Variants in ABCA13 observed in about 807,000 individuals in gnomAD.
ABCA13 encodes ATP-binding cassette sub-family A member 13.
In ABCA13, 476 loss-of-function variants were observed where a neutral mutation model predicts 478.7. The ratio of observed to expected loss-of-function variants is 0.99; its 90% CI spans 0.92 to 1.07. ABCA13 has a LOEUF of 1.07. Among genes scored for constraint, ABCA13 ranks in the 50% least tolerant of loss-of-function variants. ABCA13 has a pLI of 0.00. For synonymous variants in ABCA13, 2,252 were observed against 2,158.9 expected (o/e 1.04, Z -1.20); for missense variants, 6,060 against 5,910.6 (o/e 1.03, Z -0.83).
At chr7:48,511,315 A>G in intron 51 of ABCA13, 116 bp downstream of exon 51, 1 of 847,840 alleles carries the variant, frequency 1.2e-6, no homozygotes, top group Non-Finnish European at 1.8e-6. Context: ...TGAAGCAATT[A>G]TGTTGCTTCT....
intron 55 of ABCA13, among the ~76,000 whole-genome samples, chr7:48,528,807 A>G (rs7804593): frequency 0.034 from 5,213 of 152,126 alleles, 313 homozygotes; most frequent in African/African-American, 0.12. Context: ...GGAGCAGTGA[A>G]CACATTAAAA....
At chr7:48,482,137 C>T (rs1828834406) in intron 46 of ABCA13, among the ~76,000 whole-genome samples, 1 of 151,562 alleles carries the variant, frequency 6.6e-6, no homozygotes, top group Non-Finnish European at 1.5e-5. Context: ...TAATTCCCAC[C>T]CAGGAAAAAT....
intron 3 of ABCA13, among the ~76,000 whole-genome samples, chr7:48,199,626 T>C (rs1356502625): frequency 6.6e-6 from 1 of 152,158 alleles, no homozygotes; most frequent in East Asian, 1.9e-4. Flanking sequence ...ACAAATCATA[T>C]AGAAATATGA....
chr7:48,470,610 T>C (rs1241144120), intron 44 of ABCA13, among the ~76,000 whole-genome samples: 3 of 152,220 alleles, frequency 2.0e-5, no homozygotes, highest in Admixed American at 1.3e-4. Context: ...TTATTTTTGT[T>C]GTTTCAAAAA....
chr7:48,469,988 C>T (rs186993260), intron 44 of ABCA13, among the ~76,000 whole-genome samples: 1 of 152,136 alleles, frequency 6.6e-6, no homozygotes, highest in East Asian at 1.9e-4. Context: ...AGAACTATTT[C>T]ACCCAGTGTG....
intron 39 of ABCA13, among the ~76,000 whole-genome samples, chr7:48,408,232 C>G (rs572105582): frequency 1.3e-5 from 2 of 152,328 alleles, no homozygotes; most frequent in South Asian, 2.1e-4. Context: ...CCCTCCTTCT[C>G]CTCCCTCCCT....
intron 55 of ABCA13, among the ~76,000 whole-genome samples, chr7:48,557,803 A>C (rs1285308021): frequency 6.6e-6 from 1 of 152,146 alleles, no homozygotes; most frequent in African/African-American, 2.4e-5. Context: ...GCACCAACGT[A>C]ATATAACCTT....
intron 3 of ABCA13, among the ~76,000 whole-genome samples, chr7:48,215,986 C>T (rs1177454244): frequency 1.3e-5 from 2 of 152,170 alleles, no homozygotes; most frequent in African/African-American, 4.8e-5. Context: ...TGTATAGATA[C>T]AGGACAGTTT....
intron 38 of ABCA13, among the ~76,000 whole-genome samples, chr7:48,396,097 C>T (rs1451700732): frequency 6.6e-6 from 1 of 152,242 alleles, no homozygotes; most frequent in Non-Finnish European, 1.5e-5. Context: ...GCCTGTGCTC[C>T]TGCCCATGCT....
At chr7:48,578,577 T>G (rs932101421) in intron 55 of ABCA13, among the ~76,000 whole-genome samples, 8 of 152,160 alleles carry the variant, frequency 5.3e-5, no homozygotes, top group African/African-American at 1.9e-4. Flanking sequence ...TAAATAGATA[T>G]TCCATGTTTT....
At chr7:48,473,580 G>A (rs1827756803) in intron 45 of ABCA13, among the ~76,000 whole-genome samples, 1 of 152,192 alleles carries the variant, frequency 6.6e-6, no homozygotes, top group Admixed American at 6.5e-5. Flanking sequence ...TGAATCAGGA[G>A]AGTGGGTGGT....
chr7:48,272,546 A>G lies in ABCA13; in HGVS notation c.2880A>G (p.Leu960=). Residue 960 remains leucine, a synonymous_variant, in exon 17 of 62, where the codon TTA becomes TTG. Coordinates refer to ENST00000435803, the MANE Select transcript of ABCA13 (RefSeq NM_152701.5). ...TCTTCCAGGACAAGGATTCAGCTTT[A>G]CTTCTGCAAATTTATTCTTCATTTT... ...LNVFQDKDSA[L]LLQIYSSFYR... is the part of the protein sequence containing the mutation. The G allele has an allele frequency of 6.2e-7, 1 of 1,613,800 alleles. No homozygotes were observed. The highest frequency in any genetic ancestry group is 1.1e-5 in the South Asian group (1 of 91,080).
chr7:48,219,619 T>G lies in ABCA13; in HGVS notation c.439+114T>G. On this transcript the variant is annotated intron_variant, in intron 4 of 61. Transcript: ENST00000435803. ...TGCTCAACTCCTGCCTGTGCTAAAC[T>G]TTCATAGTGAGTCTTTGATGGATGA... The G allele has an allele frequency of 3.7e-6, 5 of 1,343,250 alleles. No homozygotes were observed. In the South Asian group the frequency reaches 7.6e-5, roughly 20 times the overall value. The allele number at this position is 1,343,250 out of a possible 1,614,324, so 83.2% of individuals were successfully genotyped here.
At chr7:48,417,752 T>A (rs1226102086) in intron 41 of ABCA13, among the ~76,000 whole-genome samples, 2 of 152,196 alleles carry the variant, frequency 1.3e-5, no homozygotes, top group Non-Finnish European at 2.9e-5. Context: ...GATGAGTATA[T>A]AATTCCATGT....
At chr7:48,584,214 A>T (rs1374458579) in intron 56 of ABCA13, among the ~76,000 whole-genome samples, 1 of 152,192 alleles carries the variant, frequency 6.6e-6, no homozygotes, top group African/African-American at 2.4e-5. Flanking sequence ...ACATGCACAC[A>T]TACACACATT....
At chr7:48,288,376 C>G (rs1490422177) in intron 20 of ABCA13, among the ~76,000 whole-genome samples, 1 of 152,164 alleles carries the variant, frequency 6.6e-6, no homozygotes, top group Admixed American at 6.5e-5. Context: ...ATTATATAAA[C>G]TTATGATGAA....
chr7:48,281,583 C>T, intron 19 of ABCA13, 131 bp downstream of exon 19: 3 of 824,824 alleles, frequency 3.6e-6, no homozygotes, highest in Non-Finnish European at 5.6e-6. Context: ...GTCTGGCAAC[C>T]AGGCCTTGAG....
intron 59 of ABCA13, among the ~76,000 whole-genome samples, chr7:48,625,127 T>A (rs1793540882): frequency 6.6e-6 from 1 of 152,174 alleles, no homozygotes; most frequent in Admixed American, 6.5e-5. Flanking sequence ...GGAGGCAGAA[T>A]CTTGTTTGAG....
chr7:48,258,050 A>G (rs1397185159), intron 15 of ABCA13, among the ~76,000 whole-genome samples: 1 of 152,062 alleles, frequency 6.6e-6, no homozygotes, highest in Non-Finnish European at 1.5e-5. Context: ...CAACCTCCCT[A>G]GTATCTGGAA....
Sources: allele counts gnomAD v4.1 joint callset (sites outside exome capture counted in the v4.1 genomes callset), GRCh38; gene constraint gnomAD v4.1.1; transcripts MANE v1.5; gene names NCBI Gene and HGNC (gene_info 2026-07-23, HGNC 2026-07-21).